Variants in TMED8 observed in about 807,000 individuals in gnomAD.
TMED8 encodes transmembrane p24 trafficking protein family member 8, also known as protein TMED8.
TMED8 carries 15 observed loss-of-function variants against 32.7 expected under a neutral mutation model. The observed-to-expected ratio is 0.46, with a 90% CI of 0.31 to 0.71. TMED8 has a LOEUF of 0.71. Among genes scored for constraint, TMED8 ranks in the 30% least tolerant of loss-of-function variants. The pLI, the probability that TMED8 is intolerant of heterozygous loss-of-function variation, is 0.06. For missense variants in TMED8, 390 were observed against 423.9 expected (o/e 0.92, Z 0.70); for synonymous variants, 147 against 161.4 (o/e 0.91, Z 0.68).
At chr14:77,363,711 T>C (rs1424623034) in intron 1 of TMED8, among the ~76,000 whole-genome samples, 4 of 151,640 alleles carry the variant, frequency 2.6e-5, no homozygotes, top group South Asian at 2.1e-4. Flanking sequence ...TATTCCTCTT[T>C]TTTTTTTTTA....
chr14:77,370,721 T>C (rs1341136979), intron 1 of TMED8, among the ~76,000 whole-genome samples: 5 of 149,546 alleles, frequency 3.3e-5, no homozygotes, highest in East Asian at 1.9e-4. Flanking sequence ...CTTCCAAAGA[T>C]GTTTTATGCA....
At position 77,341,403 on chromosome 14, in the gene TMED8, G is replaced by T; in HGVS notation, c.*368C>A. 4.0e-6 allele frequency: 1 copy of T among 252,478 alleles called. No homozygotes were observed. The highest frequency in any genetic ancestry group is 7.9e-6 in the Non-Finnish European group (1 of 127,198). The allele number at this position is 252,478 out of a possible 1,614,324, so 15.6% of individuals were successfully genotyped here. On this transcript the variant is annotated 3_prime_UTR_variant, in exon 6 of 6. Transcript: ENST00000216468. ...GTGCCACTAAATGCACTGGCAATAA[G>T]GGCTGTGGGAGAGGAGAGGGCAGCA...
Position 77,339,477 on chromosome 14 carries a change from T to C in TMED8, c.*2294A>G, listed in dbSNP as rs1244580791. 1 of 150,498 alleles carries C rather than the reference T, an allele frequency of 6.6e-6. No homozygotes were observed. The highest frequency in any genetic ancestry group is 1.9e-4 in the East Asian group (1 of 5,200). 9.3% of individuals were successfully genotyped at this position (150,498 alleles called of 1,614,324 possible). A position where few individuals can be genotyped will look rare whatever the true frequency, so the allele number is the denominator to read the frequency against. On this transcript the variant is annotated 3_prime_UTR_variant, in exon 6 of 6. Transcript: ENST00000216468. ...CCTTGGGAGCTTGCTGTGTATGGCC[T>C]GACTGTTTCAATTTGAGAGAAAGGC...
At chr14:77,352,547 T>C (rs886789841) in intron 1 of TMED8, among the ~76,000 whole-genome samples, 2 of 152,164 alleles carry the variant, frequency 1.3e-5, no homozygotes, top group Non-Finnish European at 2.9e-5. Flanking sequence ...GAGACCAGCC[T>C]GGCCAACATG....
At chr14:77,359,081 A>T (rs1031964429) in intron 1 of TMED8, among the ~76,000 whole-genome samples, 2 of 152,016 alleles carry the variant, frequency 1.3e-5, no homozygotes, top group Admixed American at 6.6e-5. Context: ...CTAATTTTTT[A>T]AATTTTCTGT....
rs558610738 is a variant in TMED8, at chr14:77,370,878, G to A, written c.118+6058C>T. Among the ~76,000 whole-genome samples, 97 of 152,018 alleles carry A rather than the reference G, an allele frequency of 6.4e-4. 3 individuals carry two copies. The South Asian group carries it at 0.018, about 28-fold the overall frequency. On this transcript the variant is annotated intron_variant, in intron 1 of 5. Coordinates refer to ENST00000216468, the MANE Select transcript of TMED8 (RefSeq NM_213601.3). ...GCAGGAGAATCGCTTGAACCCGGGA[G>A]GCGGAGGTTGCAGTGAGCTAAGATC...
At chr14:77,342,459 T>C (rs1385005231) in intron 5 of TMED8, among the ~76,000 whole-genome samples, 1 of 147,612 alleles carries the variant, frequency 6.8e-6, no homozygotes, top group Non-Finnish European at 1.5e-5. Flanking sequence ...GCAAATAAGA[T>C]ACAAGGTTCT....
chr14:77,346,396 C>T lies in TMED8; in HGVS notation c.280G>A (p.Val94Met), dbSNP rs748756762. The T allele has an allele frequency of 1.9e-6, 3 of 1,614,174 alleles. No homozygotes were observed. Among genetic ancestry groups the T allele is most frequent in the Non-Finnish European group, 2.5e-6 (3 of 1,180,034 alleles). Residue 94 changes from valine to methionine, a missense_variant, in exon 3 of 6, where the codon GTG becomes ATG. Coordinates refer to ENST00000216468, the MANE Select transcript of TMED8 (RefSeq NM_213601.3). ...ATGPLEAQAL[V>M]KQDLLPADQA... The stretch of plus-strand genomic sequence containing the variant: ...TCTGCAGGCAGCAAATCCTGTTTCA[C>T]CAAGGCCTGAGCCTCCAAAGGACCA...
In TMED8 at chr14:77,336,498, A is replaced by C. The variant is rs1373823512; in HGVS notation, c.*5273T>G. 4 of 152,156 alleles carry C rather than the reference A, an allele frequency of 2.6e-5. No individual in the cohort carries two copies. Among genetic ancestry groups the C allele is most frequent in the African/African-American group, 7.2e-5 (3 of 41,440 alleles). The allele number at this position is 152,156 out of a possible 1,614,324, so 9.4% of individuals were successfully genotyped here. A position where few individuals can be genotyped will look rare whatever the true frequency, so the allele number is the denominator to read the frequency against. On this transcript the variant is annotated 3_prime_UTR_variant, in exon 6 of 6. Coordinates refer to ENST00000216468, the MANE Select transcript of TMED8 (RefSeq NM_213601.3). ...TGTTTTCTTAGCTTAGAAATTTCTTACCTTAAGAATTCAAACAGGAGGGGC... is the reference window on the plus strand; with the variant it reads ...TGTTTTCTTAGCTTAGAAATTTCTTCCCTTAAGAATTCAAACAGGAGGGGC...
At chr14:77,353,394 CAT>C (rs1272345066) in intron 1 of TMED8, among the ~76,000 whole-genome samples, 1 of 151,204 alleles carries the variant, frequency 6.6e-6, no homozygotes, top group Non-Finnish European at 1.5e-5. Flanking sequence ...AATTTAGTCT[CAT>C]GTTTTATATG....
chr14:77,355,198 C>CTTTT (rs769300656), intron 1 of TMED8, among the ~76,000 whole-genome samples: 2 of 138,848 alleles, frequency 1.4e-5, no homozygotes, highest in Admixed American at 7.3e-5. Context: ...GCACTAAACA[C>CTTTT]TTTTTTTTTT....
Position 77,341,646 on chromosome 14 carries a change from C to CA in TMED8, c.*124dup. ...TACGTGGGCCAACAGTCAGGCATGCCAGACAGGGTGTGAGGCTCAGCAGCC... is the reference window on the plus strand; with the variant it reads ...TACGTGGGCCAACAGTCAGGCATGCCAAGACAGGGTGTGAGGCTCAGCAGCC... On this transcript the variant is annotated 3_prime_UTR_variant, in exon 6 of 6. Transcript: ENST00000216468. 1.1e-6 allele frequency: 1 copy of CA among 924,816 alleles called. No homozygotes were observed. Among genetic ancestry groups the CA allele is most frequent in the Non-Finnish European group, 1.7e-6 (1 of 598,700 alleles). 57.3% of individuals were successfully genotyped at this position (924,816 alleles called of 1,614,324 possible).
intron 1 of TMED8, chr14:77,359,282 G>A (rs1256721248): frequency 1.2e-5 from 2 of 160,702 alleles, no homozygotes; most frequent in Non-Finnish European, 2.7e-5. Context: ...CACATTCAGT[G>A]GTGCAACCCA....
rs568050630 is a variant in TMED8, at chr14:77,358,616, C to G, written c.119-6865G>C. Among the ~76,000 whole-genome samples, 37 of 152,222 alleles carry G rather than the reference C, an allele frequency of 2.4e-4. 1 individual carries two copies. The highest frequency in any genetic ancestry group is 1.6e-3 in the Admixed American group (25 of 15,276). ...CTAGCCCAGATTACAAGATTTTTAA[C>G]CTAACTTTAATTCTATATTTGTATT... is the stretch of plus-strand genomic sequence containing the variant. On this transcript the variant is annotated intron_variant, in intron 1 of 5. Transcript: ENST00000216468.
chr14:77,350,651 A>G (rs1405844762), intron 2 of TMED8, among the ~76,000 whole-genome samples: 5 of 152,060 alleles, frequency 3.3e-5, no homozygotes, highest in African/African-American at 4.8e-5. Context: ...TGCTTATTTA[A>G]AAAACATATT....
intron 1 of TMED8, among the ~76,000 whole-genome samples, chr14:77,372,394 G>C (rs771958568): frequency 2.6e-5 from 4 of 152,072 alleles, no homozygotes; most frequent in Non-Finnish European, 5.9e-5. Flanking sequence ...ATCAGGTCAG[G>C]GTTCTTTAGA....
In TMED8 at chr14:77,346,333, A is replaced by G. The variant is rs1305713761; in HGVS notation, c.327+16T>C. The G allele has an allele frequency of 1.2e-6, 2 of 1,613,220 alleles. No individual in the cohort carries two copies. Among genetic ancestry groups the G allele is most frequent in the African/African-American group, 2.7e-5 (2 of 74,908 alleles). On this transcript the variant is annotated intron_variant, in intron 3 of 5. Transcript: ENST00000216468. ...GTGCCTCCTTTCATAAGAAAGAGCC[A>G]GAATCTGCCCCCTACCTCATTGAGG...
chr14:77,370,949 AG>A (rs1473247732), intron 1 of TMED8, among the ~76,000 whole-genome samples: 1 of 151,942 alleles, frequency 6.6e-6, no homozygotes, highest in African/African-American at 2.4e-5. Flanking sequence ...ACTCTGTCTC[AG>A]AAAAAAAAAA....
At position 77,335,957 on chromosome 14, in the gene TMED8, T is replaced by C. The variant is rs2139593175; in HGVS notation, c.*5814A>G. ...TAAGATAATGTTTTCCAGATGATTC[T>C]TGGCCTGATCCTAAGAATCAACAAT... On this transcript the variant is annotated 3_prime_UTR_variant, in exon 6 of 6. Coordinates refer to ENST00000216468, the MANE Select transcript of TMED8 (RefSeq NM_213601.3). The C allele has an allele frequency of 6.6e-6, 1 of 152,356 alleles. No homozygotes were observed. Among genetic ancestry groups the C allele is most frequent in the South Asian group, 2.1e-4 (1 of 4,832 alleles). The allele number at this position is 152,356 out of a possible 1,614,324, so 9.4% of individuals were successfully genotyped here.
Sources: allele counts gnomAD v4.1 joint callset (sites outside exome capture counted in the v4.1 genomes callset), GRCh38; gene constraint gnomAD v4.1.1; transcripts MANE v1.5; gene names NCBI Gene and HGNC (gene_info 2026-07-23, HGNC 2026-07-21).